Variants in ADGRV1 observed in about 807,000 individuals in gnomAD.
ADGRV1 encodes adhesion G protein-coupled receptor V1.
ADGRV1 carries 359 observed loss-of-function variants against 596.2 expected under a neutral mutation model. The observed-to-expected ratio is 0.60, with a 90% confidence interval of 0.55 to 0.66. ADGRV1 has a LOEUF of 0.66. ADGRV1 is among the 30% of genes least tolerant of loss of function. The probability of loss-of-function intolerance (pLI) is 0.00; values close to 1 mark genes in which losing one functional copy is unlikely to be tolerated. For missense variants in ADGRV1, 7,274 were observed against 7,575.6 expected (o/e 0.96, Z 1.48); for synonymous variants, 2,681 against 2,679.2 (o/e 1.00, Z -0.02).
intron 1 of ADGRV1, among the ~76,000 whole-genome samples, chr5:90,562,254 C>T (rs1401161349): frequency 6.6e-6 from 1 of 152,164 alleles, no homozygotes; most frequent in Non-Finnish European, 1.5e-5. Flanking sequence ...GAGTCTACTC[C>T]ATGTAGAATG....
intron 1 of ADGRV1, among the ~76,000 whole-genome samples, chr5:90,605,474 C>T (rs1375326869): frequency 3.3e-5 from 5 of 151,124 alleles, no homozygotes; most frequent in Non-Finnish European, 7.4e-5. Context: ...CAGATATTTA[C>T]TTGCCCTGTT....
At chr5:90,931,272 A>G (rs145845014) in intron 83 of ADGRV1, 2 of 152,334 alleles carry the variant, frequency 1.3e-5, no homozygotes, top group Admixed American at 6.5e-5. Flanking sequence ...CTGGTAAACA[A>G]GAGCTAAGTC....
At chr5:90,705,379 A>T in intron 36 of ADGRV1, 21 bp from the exon 37 acceptor site, 2 of 1,610,062 alleles carry the variant, frequency 1.2e-6, no homozygotes, top group Non-Finnish European at 1.7e-6. Flanking sequence ...TCACTGTTAG[A>T]TTCCTGCCTG....
intron 79 of ADGRV1, 55 bp downstream of exon 79, chr5:90,848,876 A>G: frequency 8.0e-7 from 1 of 1,250,928 alleles, no homozygotes; most frequent in Non-Finnish European, 1.1e-6. Flanking sequence ...TTCACTGTTT[A>G]CAAAGCAATA....
chr5:90,760,036 A>AGGCC (rs1049736382), intron 58 of ADGRV1: 1 of 141,164 alleles, frequency 7.1e-6, no homozygotes, highest in African/African-American at 2.8e-5. Flanking sequence ...GCACTTTGGG[A>AGGCC]GGCCGAGGCG....
Position 90,853,521 on chromosome 5 carries a change from C to T in ADGRV1, c.17442C>T (p.Thr5814=). 1 of 1,609,386 alleles carries T rather than the reference C, an allele frequency of 6.2e-7. No individual in the cohort carries two copies. The highest frequency in any genetic ancestry group is 8.5e-7 in the Non-Finnish European group (1 of 1,177,160). Residue 5814 remains threonine, a synonymous_variant, in exon 80 of 90, where the codon ACC becomes ACT. Coordinates refer to ENST00000405460, the MANE Select transcript of ADGRV1 (RefSeq NM_032119.4). Reference sequence around the variant, plus strand: ...TTATAAGTGGAAACAATCTTCCTACCCTAAAAAATAAGGTAATCTTTCATT... The same window carrying T: ...TTATAAGTGGAAACAATCTTCCTACTCTAAAAAATAAGGTAATCTTTCATT... ...QWFISGNNLP[T]LKNKVLSLSV...
intron 1 of ADGRV1, among the ~76,000 whole-genome samples, chr5:90,593,178 A>C (rs1759751162): frequency 6.6e-6 from 1 of 152,232 alleles, no homozygotes. Flanking sequence ...ACTGTTCACA[A>C]TAGCAAAGAC....
rs559414911 is a variant in ADGRV1, at chr5:90,667,272, T to C, written c.4753-5274T>C. Among the ~76,000 whole-genome samples, 136 of 134,902 alleles carry C rather than the reference T, an allele frequency of 1.0e-3. 1 individual carries two copies. In the East Asian group the frequency reaches 0.012, roughly 12 times the overall value. The allele number at this position is 134,902 out of a possible 152,430, so 88.5% of individuals were successfully genotyped here. ...CCAATCAGACGTAGATTTGGTCTTTTCACATAGTCCCATATTTCTTGGAGG... is the reference window on the plus strand; with the variant it reads ...CCAATCAGACGTAGATTTGGTCTTTCCACATAGTCCCATATTTCTTGGAGG... On this transcript the variant is annotated intron_variant, in intron 21 of 89. Coordinates refer to ENST00000405460, the MANE Select transcript of ADGRV1 (RefSeq NM_032119.4).
At chr5:90,896,923 G>A (rs1412846501) in intron 83 of ADGRV1, among the ~76,000 whole-genome samples, 2 of 152,172 alleles carry the variant, frequency 1.3e-5, no homozygotes, top group Non-Finnish European at 2.9e-5. Flanking sequence ...CTTATGGCAG[G>A]TTCTTGTTGG....
At chr5:90,755,927 G>T (rs1356661069) in intron 55 of ADGRV1, among the ~76,000 whole-genome samples, 1 of 150,676 alleles carries the variant, frequency 6.6e-6, no homozygotes, top group African/African-American at 2.4e-5. Flanking sequence ...CTCCTGAAGA[G>T]TATAATTTGG....
At chr5:90,890,952 A>G (rs1468045942) in intron 83 of ADGRV1, among the ~76,000 whole-genome samples, 2 of 152,012 alleles carry the variant, frequency 1.3e-5, no homozygotes, top group Admixed American at 1.3e-4. Flanking sequence ...TTTTCAATTA[A>G]TATACTTTGT....
chr5:91,003,211 T>G (rs1781986994), intron 85 of ADGRV1, among the ~76,000 whole-genome samples: 1 of 152,160 alleles, frequency 6.6e-6, no homozygotes, highest in South Asian at 2.1e-4. Context: ...AAAGAAATTA[T>G]TTGAGCTGCC....
intron 87 of ADGRV1, among the ~76,000 whole-genome samples, chr5:91,134,190 C>A (rs1246287111): frequency 7.0e-6 from 1 of 142,196 alleles, no homozygotes; most frequent in Non-Finnish European, 1.5e-5. Flanking sequence ...CTGTTTCTTT[C>A]TTTTTTTTTT....
At position 90,778,457 on chromosome 5, in the gene ADGRV1, A is replaced by G. The variant is rs770802961; in HGVS notation, c.12697A>G (p.Ser4233Gly). The change falls in exon 63 of 90, where the codon AGC (serine) becomes GGC (glycine). Residue 4233 changes from serine (S) to glycine (G), a missense_variant. Coordinates refer to ENST00000405460, the MANE Select transcript of ADGRV1 (RefSeq NM_032119.4). ...ALNDDIPEEK[S>G]FYEFQLTAVS... Reference sequence around the variant, plus strand: ...GAACGATGACATTCCCGAGGAAAAAAGCTTCTATGAGTTTCAGCTCACTGC... The same window carrying G: ...GAACGATGACATTCCCGAGGAAAAAGGCTTCTATGAGTTTCAGCTCACTGC... 7 of 1,612,810 alleles carry G rather than the reference A, an allele frequency of 4.3e-6. No individual in the cohort carries two copies. The Admixed American group carries it at 1.0e-4, about 23-fold the overall frequency.
intron 1 of ADGRV1, among the ~76,000 whole-genome samples, chr5:90,564,690 G>A (rs1287530907): frequency 1.1e-5 from 1 of 88,002 alleles, no homozygotes; most frequent in African/African-American, 6.0e-5. Context: ...GCAGTGGCGC[G>A]ATCTCGGCTC....
At chr5:90,843,450 G>A (rs1460326247) in intron 78 of ADGRV1, among the ~76,000 whole-genome samples, 1 of 152,106 alleles carries the variant, frequency 6.6e-6, no homozygotes, top group East Asian at 1.9e-4. Context: ...GATGGCTGAT[G>A]TAACCATTTG....
At chr5:90,563,184 C>T (rs1237009282) in intron 1 of ADGRV1, among the ~76,000 whole-genome samples, 1 of 152,180 alleles carries the variant, frequency 6.6e-6, no homozygotes, top group Non-Finnish European at 1.5e-5. Flanking sequence ...AGTAAAAATG[C>T]ATTTCATTCT....
chr5:90,784,829 A>C (rs1294248414), intron 67 of ADGRV1, among the ~76,000 whole-genome samples: 1 of 152,204 alleles, frequency 6.6e-6, no homozygotes, highest in East Asian at 1.9e-4. Flanking sequence ...AATATAGTGA[A>C]AATGGCCATA....
chr5:90,844,293 T>C (rs1321515255), intron 78 of ADGRV1, among the ~76,000 whole-genome samples: 1 of 152,190 alleles, frequency 6.6e-6, no homozygotes, highest in Non-Finnish European at 1.5e-5. Context: ...TAAATTTTAT[T>C]TTCCCCCACA....
Sources: allele counts gnomAD v4.1 joint callset (sites outside exome capture counted in the v4.1 genomes callset), GRCh38; gene constraint gnomAD v4.1.1; transcripts MANE v1.5; gene names NCBI Gene and HGNC (gene_info 2026-07-23, HGNC 2026-07-21).